SNRPA: variants seen among roughly 807,000 people sequenced by gnomAD.
SNRPA encodes small nuclear ribonucleoprotein polypeptide A.
SNRPA carries 10 observed loss-of-function variants against 24.5 expected under a neutral mutation model. That is an observed-to-expected ratio of 0.41 (90% CI 0.25 to 0.69). The LOEUF (loss-of-function observed/expected upper bound fraction) is 0.69. Ranked by LOEUF, SNRPA falls within the 30% of genes least tolerant of loss-of-function variation. The pLI, the probability that SNRPA is intolerant of heterozygous loss-of-function variation, is 0.33. For missense variants in SNRPA, 283 were observed against 394.7 expected (o/e 0.72, Z 2.40); for synonymous variants, 165 against 148.4 (o/e 1.11, Z -0.81).
chr19:40,764,874 C>T (rs2082947653), intron 5 of SNRPA, 134 bp from the exon 6 acceptor site: 2 of 756,540 alleles, frequency 2.6e-6, no homozygotes, highest in Non-Finnish European at 3.9e-6. Flanking sequence ...GCATTTTGGG[C>T]TGGATAATTC....
chr19:40,757,639 C>G (rs962225184), intron 2 of SNRPA, 135 bp downstream of exon 2: 5 of 824,942 alleles, frequency 6.1e-6, no homozygotes, highest in Non-Finnish European at 7.4e-6. Flanking sequence ...TGCACCTTGC[C>G]TCATTTAAAA....
chr19:40,754,408 G>A (rs547574271), intron 1 of SNRPA, among the ~76,000 whole-genome samples: 1 of 152,184 alleles, frequency 6.6e-6, no homozygotes, highest in East Asian at 1.9e-4. Flanking sequence ...CCAGAACCCT[G>A]GTTCTTTAGG....
intron 1 of SNRPA, among the ~76,000 whole-genome samples, chr19:40,753,861 ATC>A (rs1432087166): frequency 1.3e-5 from 2 of 151,706 alleles, no homozygotes; most frequent in East Asian, 3.9e-4. Context: ...CAGTGGCACC[ATC>A]TCTGCTCACT....
chr19:40,756,781 TCGTGGTCAGA>T lies in SNRPA; in HGVS notation c.74-550_74-541del, dbSNP rs1441262167. On this transcript the variant is annotated intron_variant, in intron 1 of 5. Transcript: ENST00000243563. ...AATGACATGGGAAGAAATTTAGACG[TCGTGGTCAGA>T]GGTGGCAACATTTCCTCTGAGACTG... 2.6e-5 allele frequency among the ~76,000 whole-genome samples: 4 copies of T among 152,020 alleles called. No individual in the cohort carries two copies. The East Asian group carries it at 7.8e-4, about 30-fold the overall frequency.
In SNRPA at chr19:40,762,985, C is replaced by G. The variant is rs1395435722; in HGVS notation, c.511C>G (p.Pro171Ala). The change falls in exon 4 of 6, where the codon CCC (proline) becomes GCC (alanine). Residue 171 changes from proline (P) to alanine (A), a missense_variant. Transcript: ENST00000243563. ...CTACATGCCGCCCCCTGGTATGATC[C>G]CCCCGCCAGGCCTTGCACCTGGCCA... ...PPYMPPPGMI[P>A]PPGLAPGQIP... 6.2e-7 allele frequency: 1 copy of G among 1,612,026 alleles called. No individual in the cohort carries two copies. The highest frequency in any genetic ancestry group is 1.3e-5 in the African/African-American group (1 of 75,022).
At chr19:40,759,865 C>T (rs192481484) in intron 3 of SNRPA, among the ~76,000 whole-genome samples, 2 of 152,224 alleles carry the variant, frequency 1.3e-5, no homozygotes, top group Admixed American at 6.5e-5. Context: ...GACTTGGTTT[C>T]GCTCTCTCCG....
intron 4 of SNRPA, 60 bp from the exon 5 acceptor site, chr19:40,763,527 T>G: frequency 1.6e-6 from 2 of 1,284,850 alleles, no homozygotes; most frequent in Middle Eastern, 1.8e-4. Flanking sequence ...GTGGCAGTAC[T>G]ATGGGTCTCC....
At chr19:40,755,312 T>C (rs1034803138) in intron 1 of SNRPA, among the ~76,000 whole-genome samples, 8 of 145,094 alleles carry the variant, frequency 5.5e-5, no homozygotes, top group African/African-American at 7.8e-5. Context: ...GGTTTCACCG[T>C]CTTGGCCAGG....
At chr19:40,763,321 G>T in intron 4 of SNRPA, 1 of 595,210 alleles carries the variant, frequency 1.7e-6, no homozygotes, top group Non-Finnish European at 3.0e-6. Flanking sequence ...ATGAGCTATT[G>T]AGCGCCTCCT....
At chr19:40,752,203 G>A (rs1474116576) in intron 1 of SNRPA, among the ~76,000 whole-genome samples, 1 of 151,996 alleles carries the variant, frequency 6.6e-6, no homozygotes. Context: ...CGGGCATGGT[G>A]GCGCATGCCT....
At chr19:40,763,710 G>A (rs2082942911) in intron 5 of SNRPA, 35 bp downstream of exon 5, 3 of 1,544,974 alleles carry the variant, frequency 1.9e-6, no homozygotes, top group Non-Finnish European at 2.7e-6. Context: ...GTCCCTGGAG[G>A]GTGATGGCCA....
intron 1 of SNRPA, among the ~76,000 whole-genome samples, chr19:40,753,522 G>A (rs1306871929): frequency 7.0e-6 from 1 of 141,992 alleles, no homozygotes; most frequent in African/African-American, 2.6e-5. Flanking sequence ...TCAGCCTCCC[G>A]AGTAGCTGGA....
rs779004316 is a variant in SNRPA, at chr19:40,759,592, T to G, written c.408T>G (p.Ala136=). ...QGGGATPVVG[A]VQGPVPGMPP... ...GGGGAGCCACCCCCGTGGTGGGGGCTGTCCAGGGGCCTGTCCCGGTAAGCC... is the reference window on the plus strand; with the variant it reads ...GGGGAGCCACCCCCGTGGTGGGGGCGGTCCAGGGGCCTGTCCCGGTAAGCC... The change falls in exon 3 of 6, where the codon GCT becomes GCG. Residue 136 remains alanine (A), a synonymous_variant. Coordinates refer to ENST00000243563, the MANE Select transcript of SNRPA (RefSeq NM_004596.5). 27 of 1,609,458 alleles carry G rather than the reference T, an allele frequency of 1.7e-5. No individual in the cohort carries two copies. The highest frequency in any genetic ancestry group is 2.3e-5 in the Non-Finnish European group (27 of 1,178,830).
rs1392776771 is a variant in SNRPA at position 40,751,471 on chromosome 19, C to T, written c.63C>T (p.Ile21=). ...TIYINNLNEK[I]KKDELKKSLY... ...ATATCAACAACCTCAATGAGAAGATCAAGAAGGATGGTGAGTTCTCGGGAT... is the reference window on the plus strand; with the variant it reads ...ATATCAACAACCTCAATGAGAAGATTAAGAAGGATGGTGAGTTCTCGGGAT... The change falls in exon 1 of 6, where the codon ATC becomes ATT. Residue 21 remains isoleucine, a synonymous_variant. Coordinates refer to ENST00000243563, the MANE Select transcript of SNRPA (RefSeq NM_004596.5). The T allele has an allele frequency of 6.2e-7, 1 of 1,612,604 alleles. No homozygotes were observed. The highest frequency in any genetic ancestry group is 8.5e-7 in the Non-Finnish European group (1 of 1,178,742).
In SNRPA at chr19:40,751,333, G is replaced by A; in HGVS notation, c.-76G>A. The A allele has an allele frequency of 2.6e-6, 3 of 1,142,764 alleles. No individual in the cohort carries two copies. The highest frequency in any genetic ancestry group is 4.0e-6 in the Non-Finnish European group (3 of 751,042). 70.8% of individuals were successfully genotyped at this position (1,142,764 alleles called of 1,614,324 possible). On this transcript the variant is annotated 5_prime_UTR_variant, in exon 1 of 6. Transcript: ENST00000243563. Reference sequence around the variant, plus strand: ...GAAGATCCTTGAGCAGCCGACGTTGGGACAAAGGATTTGGAGAAACCCAGG... The same window carrying A: ...GAAGATCCTTGAGCAGCCGACGTTGAGACAAAGGATTTGGAGAAACCCAGG...
chr19:40,764,632 A>G (rs912178265), intron 5 of SNRPA, among the ~76,000 whole-genome samples: 1 of 152,116 alleles, frequency 6.6e-6, no homozygotes, highest in Admixed American at 6.6e-5. Flanking sequence ...TTCGAGGCCA[A>G]TGTGGGCAAC....
chr19:40,751,811 C>G (rs2082868866), intron 1 of SNRPA, among the ~76,000 whole-genome samples: 1 of 152,110 alleles, frequency 6.6e-6, no homozygotes, highest in African/African-American at 2.4e-5. Flanking sequence ...TCTGAGCTGT[C>G]GTGGGGCTCT....
chr19:40,763,286 T>C, intron 4 of SNRPA: 2 of 593,480 alleles, frequency 3.4e-6, no homozygotes, highest in Non-Finnish European at 6.0e-6. Context: ...TAGGCTGGAG[T>C]GGTGCCAGCA....
At chr19:40,760,604 C>T (rs927224718) in intron 3 of SNRPA, among the ~76,000 whole-genome samples, 2 of 152,108 alleles carry the variant, frequency 1.3e-5, no homozygotes, top group South Asian at 2.1e-4. Flanking sequence ...CCAAGCCAGG[C>T]GAGGAGAATA....
Sources: gnomAD v4.1 joint callset for allele counts (sites outside exome capture counted in the v4.1 genomes callset) on GRCh38, gnomAD v4.1.1 for gene constraint, MANE v1.5 for transcripts, NCBI Gene and HGNC (gene_info 2026-07-23, HGNC 2026-07-21) for gene names.